The following PTPRN2 variants were observed in gnomAD, a reference collection of about 807,000 sequenced individuals.
PTPRN2 encodes the protein protein tyrosine phosphatase receptor type N2, also known as receptor-type tyrosine-protein phosphatase N2.
PTPRN2 carries 74 observed loss-of-function variants against 118.8 expected under a neutral mutation model. That is an observed-to-expected ratio of 0.62 (90% CI 0.52 to 0.76). The LOEUF (loss-of-function observed/expected upper bound fraction) is 0.76, where lower values mean the gene tolerates loss of function less well. PTPRN2 is among the 30% of genes least tolerant of loss of function. The pLI is 0.00. For synonymous variants in PTPRN2, 641 were observed against 608.0 expected (o/e 1.05, Z -0.80); for missense variants, 1,481 against 1,394.4 (o/e 1.06, Z -0.99).
chr7:157,770,782 G>A (rs1802754697), intron 12 of PTPRN2, among the ~76,000 whole-genome samples: 2 of 152,192 alleles, frequency 1.3e-5, no homozygotes, highest in Admixed American at 6.5e-5. Context: ...TTCATTGCTG[G>A]GTGTGCTGAA....
intron 12 of PTPRN2, among the ~76,000 whole-genome samples, chr7:157,702,664 C>A (rs760226290): frequency 2.0e-4 from 30 of 152,248 alleles, no homozygotes; most frequent in Non-Finnish European, 7.3e-5. Context: ...AGGCAGGCAG[C>A]AGCTCAGCTC....
intron 3 of PTPRN2, among the ~76,000 whole-genome samples, chr7:158,215,299 T>A (rs1391446291): frequency 6.6e-6 from 1 of 151,890 alleles, no homozygotes; most frequent in Non-Finnish European, 1.5e-5. Flanking sequence ...GATAAAACAG[T>A]AGGAATTACT....
At position 157,611,693 on chromosome 7, in the gene PTPRN2, G is replaced by A. The variant is rs763620380; in HGVS notation, c.2345-7618C>T. ...TGCACACCCACACGGGAGGGAGAGC[G>A]CCCGTGTGAAGACGAAGACAGCCGC... On this transcript the variant is annotated intron_variant, in intron 15 of 22. Transcript: ENST00000389418. This position sits in a 1 kb window ranked among gnomAD's most constrained non-coding sequence, Gnocchi z 5.9. 9.2e-5 allele frequency among the ~76,000 whole-genome samples: 14 copies of A among 152,104 alleles called. No individual in the cohort carries two copies. Among genetic ancestry groups the A allele is most frequent in the Non-Finnish European group, 1.3e-4 (9 of 68,010 alleles).
intron 21 of PTPRN2, among the ~76,000 whole-genome samples, chr7:157,558,685 CGCACTGACT>C (rs1799027723): frequency 6.6e-6 from 1 of 152,230 alleles, no homozygotes; most frequent in Non-Finnish European, 1.5e-5. Context: ...CCTCCCAGGC[CGCACTGACT>C]GCTGGTACTG....
intron 2 of PTPRN2, among the ~76,000 whole-genome samples, chr7:158,387,303 C>T (rs55681555): frequency 0.037 from 5,616 of 152,296 alleles, 164 homozygotes; most frequent in East Asian, 0.088. Context: ...ACACTGAAAT[C>T]ACATCTGCAA....
intron 6 of PTPRN2, among the ~76,000 whole-genome samples, chr7:158,149,910 T>C (rs946337880): frequency 1.3e-5 from 2 of 151,710 alleles, no homozygotes; most frequent in African/African-American, 2.4e-5. Context: ...GGCAAGAATA[T>C]ATTTTAAATT....
chr7:158,328,802 C>A (rs947856621), intron 2 of PTPRN2, among the ~76,000 whole-genome samples: 1 of 150,938 alleles, frequency 6.6e-6, no homozygotes. Flanking sequence ...TTCCCCCCCC[C>A]CCGCCACCCA....
intron 4 of PTPRN2, among the ~76,000 whole-genome samples, chr7:158,204,243 T>C (rs1446529243): frequency 7.0e-6 from 1 of 143,532 alleles, no homozygotes; most frequent in African/African-American, 2.6e-5. Context: ...CGCCGCTTGC[T>C]GGGGAAAGAC....
chr7:158,261,662 G>C (rs1270050640), intron 3 of PTPRN2, among the ~76,000 whole-genome samples: 6 of 152,086 alleles, frequency 3.9e-5, no homozygotes, highest in Non-Finnish European at 5.9e-5. Flanking sequence ...TGCACTCCGG[G>C]ACCGCAGGCT....
chr7:158,479,032 A>G (rs1182354521), intron 2 of PTPRN2, among the ~76,000 whole-genome samples: 1 of 152,128 alleles, frequency 6.6e-6, no homozygotes, highest in Non-Finnish European at 1.5e-5. Flanking sequence ...AGCTGTGGAC[A>G]TGCCACAGGA....
intron 4 of PTPRN2, 82 bp from the exon 5 acceptor site, chr7:158,192,577 C>T (rs1360536752): frequency 6.9e-7 from 1 of 1,449,542 alleles, no homozygotes; most frequent in Non-Finnish European, 9.2e-7. Flanking sequence ...TGCCTGGGTG[C>T]ATGCAAGGGG....
intron 11 of PTPRN2, among the ~76,000 whole-genome samples, chr7:157,904,232 T>C (rs745966032): frequency 4.6e-5 from 7 of 152,150 alleles, no homozygotes; most frequent in Non-Finnish European, 8.8e-5. Flanking sequence ...CCCACAGCAA[T>C]AGGATAAAGG....
chr7:158,407,805 G>A (rs538768774), intron 2 of PTPRN2, among the ~76,000 whole-genome samples: 7 of 152,346 alleles, frequency 4.6e-5, no homozygotes, highest in Admixed American at 3.3e-4. Context: ...CCACGAAGCC[G>A]ATGTGGAACC....
rs191582967 is a variant in PTPRN2 at position 157,953,076 on chromosome 7, C to G, written c.1724-54339G>C. On this transcript the variant is annotated intron_variant, in intron 11 of 22. Coordinates refer to ENST00000389418, the MANE Select transcript of PTPRN2 (RefSeq NM_002847.5). This position sits in a 1 kb window ranked among gnomAD's most constrained non-coding sequence, Gnocchi z 4.6. ...GGAACCACCTGACCACAGGGTGAGC[C>G]GTCCAGTGCCAGGAACCACCGGACC... is the stretch of plus-strand genomic sequence containing the variant. 1.6e-4 allele frequency among the ~76,000 whole-genome samples: 24 copies of G among 151,964 alleles called. No individual in the cohort carries two copies. Among genetic ancestry groups the G allele is most frequent in the African/African-American group, 4.3e-4 (18 of 41,380 alleles).
intron 5 of PTPRN2, among the ~76,000 whole-genome samples, chr7:158,190,776 G>T (rs1159777059): frequency 6.6e-6 from 1 of 152,270 alleles, no homozygotes; most frequent in Non-Finnish European, 1.5e-5. Context: ...CGTGGCCCCT[G>T]CATGGCTCTG....
chr7:158,195,132 G>T (rs1383286793), intron 4 of PTPRN2, among the ~76,000 whole-genome samples: 1 of 152,172 alleles, frequency 6.6e-6, no homozygotes, highest in Non-Finnish European at 1.5e-5. Context: ...GGAGCTCTGT[G>T]GGTGATGATG....
chr7:158,114,734 G>A (rs1156815853), intron 9 of PTPRN2, among the ~76,000 whole-genome samples: 1 of 152,216 alleles, frequency 6.6e-6, no homozygotes, highest in African/African-American at 2.4e-5. Flanking sequence ...ATGGGAGCCT[G>A]GTCCAGGCTG....
Position 158,228,559 on chromosome 7 carries a change from AAC to A in PTPRN2, c.278-23288_278-23287del, listed in dbSNP as rs1259319415. ...TCACTCTGCTCCACAGAGAAGCAAA[AAC>A]ACACACAGCACTGACACAATCCCAG... On this transcript the variant is annotated intron_variant, in intron 3 of 22. Transcript: ENST00000389418. 7.2e-5 allele frequency among the ~76,000 whole-genome samples: 11 copies of A among 152,132 alleles called. No homozygotes were observed. In the East Asian group the frequency reaches 1.9e-3, roughly 27 times the overall value.
chr7:158,315,965 C>T lies in PTPRN2; in HGVS notation c.277+854G>A, dbSNP rs563800095. 1.1e-4 allele frequency among the ~76,000 whole-genome samples: 16 copies of T among 152,276 alleles called. No homozygotes were observed. In the East Asian group the frequency reaches 2.9e-3, roughly 28 times the overall value. ...CCCATGAACAAGGTGGTCGCGGTGG[C>T]AGAGTTGGAGGTGATGCCTGGGCTC... On this transcript the variant is annotated intron_variant, in intron 3 of 22. Coordinates refer to ENST00000389418, the MANE Select transcript of PTPRN2 (RefSeq NM_002847.5).
Sources: gnomAD v4.1 joint callset for allele counts (sites outside exome capture counted in the v4.1 genomes callset) on GRCh38, gnomAD v4.1.1 for gene constraint, Gnocchi (gnomAD v3.1) non-coding constraint, MANE v1.5 for transcripts, NCBI Gene and HGNC (gene_info 2026-07-23, HGNC 2026-07-21) for gene names.